The following FGD4 variants were observed in gnomAD, a reference collection of about 807,000 sequenced individuals.
FGD4 encodes the protein FYVE, RhoGEF and PH domain containing 4.
A neutral mutation model predicts 102.0 loss-of-function variants in FGD4; 42 were observed. The observed-to-expected ratio is 0.41, with a 90% confidence interval of 0.32 to 0.53. FGD4 has a LOEUF of 0.53. Among genes scored for constraint, FGD4 ranks in the 20% least tolerant of loss-of-function variants. FGD4 has a pLI of 0.21. For synonymous variants in FGD4, 380 were observed against 375.7 expected, an observed-to-expected ratio of 1.01 and a Z score of -0.13; for missense variants, 902 against 1,078.2, an observed-to-expected ratio of 0.84 and a Z score of 2.29.
chr12:32,464,187 CTG>C (rs1943188299), intron 1 of FGD4, among the ~76,000 whole-genome samples: 1 of 152,154 alleles, frequency 6.6e-6, no homozygotes, highest in Admixed American at 6.6e-5. Context: ...GAATCTCACT[CTG>C]TCGCCAAGGC....
intron 5 of FGD4, chr12:32,600,588 C>CTTTTTTTTTTTTTT (rs1245510421): frequency 5.1e-5 from 13 of 256,612 alleles, no homozygotes; most frequent in African/African-American, 3.6e-4. Context: ...TTCTTTCTTT[C>CTTTTTTTTTTTTTT]TTTCTTTTTT....
At chr12:32,422,520 G>A (rs1177114370) in intron 1 of FGD4, among the ~76,000 whole-genome samples, 2 of 150,608 alleles carry the variant, frequency 1.3e-5, no homozygotes, top group Admixed American at 1.3e-4. Flanking sequence ...GGATGGTCTC[G>A]ATCTCCTGAC....
At chr12:32,467,758 G>A (rs1375221105) in intron 1 of FGD4, among the ~76,000 whole-genome samples, 1 of 152,156 alleles carries the variant, frequency 6.6e-6, no homozygotes, top group Non-Finnish European at 1.5e-5. Context: ...GCTCACGCCT[G>A]TAATCCCAGC....
chr12:32,563,872 G>A (rs1009496961), intron 1 of FGD4, among the ~76,000 whole-genome samples: 5 of 152,118 alleles, frequency 3.3e-5, no homozygotes, highest in Non-Finnish European at 5.9e-5. Flanking sequence ...ATGGCGGCGC[G>A]GGCATGTAAT....
At chr12:32,495,741 T>C (rs1592013530) in intron 1 of FGD4, among the ~76,000 whole-genome samples, 1 of 143,940 alleles carries the variant, frequency 6.9e-6, no homozygotes, top group African/African-American at 2.7e-5. Flanking sequence ...CTCCACTACC[T>C]CCTTCCATAT....
At chr12:32,446,454 C>G (rs1038560887) in intron 1 of FGD4, among the ~76,000 whole-genome samples, 3 of 152,018 alleles carry the variant, frequency 2.0e-5, no homozygotes, top group Non-Finnish European at 2.9e-5. Context: ...TACACACGGT[C>G]GAGGGGTACT....
At chr12:32,618,453 G>A (rs1949574351) in intron 10 of FGD4, among the ~76,000 whole-genome samples, 1 of 151,950 alleles carries the variant, frequency 6.6e-6, no homozygotes, top group Admixed American at 6.6e-5. Flanking sequence ...AAACCTTTTG[G>A]AGCTTTTTTT....
chr12:32,424,235 A>T (rs1166726090), intron 1 of FGD4, among the ~76,000 whole-genome samples: 2 of 151,680 alleles, frequency 1.3e-5, no homozygotes, highest in Non-Finnish European at 2.9e-5. Flanking sequence ...CAACCCCCTA[A>T]CAGGCCCCGG....
chr12:32,500,109 G>A (rs1938076228), intron 1 of FGD4, among the ~76,000 whole-genome samples: 1 of 152,218 alleles, frequency 6.6e-6, no homozygotes, highest in Non-Finnish European at 1.5e-5. Flanking sequence ...CTTCTGGGAG[G>A]TGGTGTAGCG....
intron 3 of FGD4, among the ~76,000 whole-genome samples, chr12:32,581,539 A>T (rs985274844): frequency 6.6e-6 from 1 of 152,254 alleles, no homozygotes; most frequent in African/African-American, 2.4e-5. Context: ...TGTACTATTT[A>T]AAAATGTTAA....
At chr12:32,589,361 T>A (rs7962088) in intron 4 of FGD4, among the ~76,000 whole-genome samples, 1 of 152,028 alleles carries the variant, frequency 6.6e-6, no homozygotes, top group African/African-American at 2.4e-5. Context: ...CTTTTTTAAC[T>A]TAGGGTTCCT....
intron 3 of FGD4, 78 bp downstream of exon 3, chr12:32,576,527 T>G: frequency 6.7e-7 from 1 of 1,485,172 alleles, no homozygotes; most frequent in Non-Finnish European, 9.4e-7. Flanking sequence ...CATAGATACA[T>G]TCTAAATAAA....
At chr12:32,590,289 G>A (rs1315482299) in intron 4 of FGD4, among the ~76,000 whole-genome samples, 2 of 146,050 alleles carry the variant, frequency 1.4e-5, no homozygotes, top group African/African-American at 5.2e-5. Context: ...CAGCCTGGGG[G>A]ACAAGAGTGA....
chr12:32,513,137 C>T (rs1793584968), intron 1 of FGD4, among the ~76,000 whole-genome samples: 1 of 152,012 alleles, frequency 6.6e-6, no homozygotes, highest in Non-Finnish European at 1.5e-5. Flanking sequence ...GCTGTGATTG[C>T]GCAGAGAGAA....
chr12:32,645,666 CAGG>C lies in FGD4; in HGVS notation c.*5136_*5138del, dbSNP rs1406768847. The C allele has an allele frequency of 6.6e-6, 1 of 152,218 alleles. No homozygotes were observed. Among genetic ancestry groups the C allele is most frequent in the African/African-American group, 2.4e-5 (1 of 41,422 alleles). The allele number at this position is 152,218 out of a possible 1,614,324, so 9.4% of individuals were successfully genotyped here. Reference sequence around the variant, plus strand: ...ATCCCAGCTACTCGGGAGGTTGAGGCAGGAGAATTGCTTGAACCCGGGAGACAG... The same window carrying C: ...ATCCCAGCTACTCGGGAGGTTGAGGCAGAATTGCTTGAACCCGGGAGACAG... On this transcript the variant is annotated 3_prime_UTR_variant, in exon 17 of 17. Transcript: ENST00000534526.
chr12:32,603,611 T>C (rs763898470), intron 7 of FGD4, among the ~76,000 whole-genome samples: 4 of 152,112 alleles, frequency 2.6e-5, no homozygotes, highest in Non-Finnish European at 4.4e-5. Context: ...GATCTCTATC[T>C]CCTGACCTTA....
chr12:32,593,520 C>CTG (rs1947646104), intron 4 of FGD4, among the ~76,000 whole-genome samples: 1 of 152,196 alleles, frequency 6.6e-6, no homozygotes, highest in Admixed American at 6.5e-5. Context: ...CTGCTGGCAT[C>CTG]CCCCTTGGAT....
chr12:32,636,612 TAC>T (rs1351808405), intron 15 of FGD4, among the ~76,000 whole-genome samples: 1 of 151,878 alleles, frequency 6.6e-6, no homozygotes, highest in Admixed American at 6.6e-5. Context: ...TTTTGTAAAA[TAC>T]ACTGTAATGC....
At chr12:32,586,357 C>T (rs968888397) in intron 4 of FGD4, among the ~76,000 whole-genome samples, 1 of 152,122 alleles carries the variant, frequency 6.6e-6, no homozygotes, top group Non-Finnish European at 1.5e-5. Flanking sequence ...CATAATTCTA[C>T]CAGTGAGAAT....
Sources: gnomAD v4.1 joint callset for allele counts (sites outside exome capture counted in the v4.1 genomes callset) on GRCh38, gnomAD v4.1.1 for gene constraint, MANE v1.5 for transcripts, NCBI Gene and HGNC (gene_info 2026-07-23, HGNC 2026-07-21) for gene names.